Variants in SPAG16 observed in about 807,000 individuals in gnomAD.
SPAG16 encodes the protein sperm-associated antigen 16 protein.
SPAG16 carries 86 observed loss-of-function variants against 80.4 expected under a neutral mutation model. That is an observed-to-expected ratio of 1.07 (90% CI 0.90 to 1.28). The LOEUF is 1.28. SPAG16 is among the 50% of genes most tolerant of loss of function. The probability of loss-of-function intolerance (pLI) is 0.00; values close to 1 mark genes in which losing one functional copy is unlikely to be tolerated. For missense variants in SPAG16, 870 were observed against 765.3 expected (o/e 1.14, Z -1.61); for synonymous variants, 294 against 265.9 (o/e 1.11, Z -1.03).
chr2:213,826,654 C>A (rs1177023705), intron 10 of SPAG16, among the ~76,000 whole-genome samples: 1 of 151,920 alleles, frequency 6.6e-6, no homozygotes, highest in Non-Finnish European at 1.5e-5. Context: ...TGTTTTGTGA[C>A]CTAATATATG....
At chr2:214,071,733 A>G (rs2050797199) in intron 13 of SPAG16, among the ~76,000 whole-genome samples, 1 of 152,100 alleles carries the variant, frequency 6.6e-6, no homozygotes, top group Admixed American at 6.6e-5. Flanking sequence ...TTTTGTGAGT[A>G]TCATCTTTCC....
At chr2:213,705,608 AT>A (rs34553543) in intron 10 of SPAG16, among the ~76,000 whole-genome samples, 40,226 of 151,990 alleles carry the variant, frequency 0.26, 6,294 homozygotes, top group Middle Eastern at 0.42. Context: ...TATTAAGAAA[AT>A]TTTTTTAGGC....
intron 11 of SPAG16, among the ~76,000 whole-genome samples, chr2:213,907,303 G>A (rs2077470334): frequency 6.6e-6 from 1 of 152,040 alleles, no homozygotes; most frequent in South Asian, 2.1e-4. Flanking sequence ...AATCCTCAGG[G>A]AAATGCAAAT....
Position 213,966,146 on chromosome 2 carries a change from T to A in SPAG16, c.1400+36001T>A, listed in dbSNP as rs370273234. ...CTGAGAAGAAACCATAGCACTAGAC[T>A]GGGCTCTGGGAGAAGATGGAGACAC... On this transcript the variant is annotated intron_variant, in intron 12 of 15. Transcript: ENST00000331683. 3.9e-5 allele frequency among the ~76,000 whole-genome samples: 6 copies of A among 152,298 alleles called. No homozygotes were observed. In the South Asian group the frequency reaches 6.2e-4, roughly 16 times the overall value.
chr2:213,315,317 G>A (rs2063353578), intron 4 of SPAG16, among the ~76,000 whole-genome samples: 1 of 151,804 alleles, frequency 6.6e-6, no homozygotes, highest in East Asian at 1.9e-4. Context: ...GCTGCCTCTG[G>A]CCTCAGGTAT....
intron 10 of SPAG16, among the ~76,000 whole-genome samples, chr2:213,733,260 G>T: frequency 6.6e-6 from 1 of 151,236 alleles, no homozygotes. Flanking sequence ...TATAGATGCT[G>T]AATATTAGAC....
intron 12 of SPAG16, among the ~76,000 whole-genome samples, chr2:213,958,799 C>G (rs1347709892): frequency 1.3e-5 from 2 of 151,988 alleles, no homozygotes; most frequent in African/African-American, 4.8e-5. Flanking sequence ...TAAACTATTG[C>G]TACTATAACA....
chr2:213,925,959 A>C (rs1376833123), intron 11 of SPAG16, among the ~76,000 whole-genome samples: 2 of 152,074 alleles, frequency 1.3e-5, no homozygotes, highest in Non-Finnish European at 2.9e-5. Flanking sequence ...CATCTAAGTA[A>C]AAATTTCTTT....
At chr2:213,799,977 GA>G (rs1258892382) in intron 10 of SPAG16, among the ~76,000 whole-genome samples, 1 of 133,874 alleles carries the variant, frequency 7.5e-6, no homozygotes, top group Admixed American at 7.5e-5. Context: ...AAAAAAAAAA[GA>G]AAAAACTGTT....
chr2:213,430,938 A>C (rs2070254906), intron 9 of SPAG16, among the ~76,000 whole-genome samples: 2 of 152,198 alleles, frequency 1.3e-5, no homozygotes, highest in African/African-American at 4.8e-5. Context: ...AAGTGCTTAA[A>C]GAAAAAACTG....
chr2:213,388,965 A>G (rs1051131386), intron 9 of SPAG16, among the ~76,000 whole-genome samples: 8 of 152,170 alleles, frequency 5.3e-5, no homozygotes, highest in African/African-American at 1.9e-4. Flanking sequence ...AGCCCAAACA[A>G]TCTTGCAAAA....
intron 15 of SPAG16, among the ~76,000 whole-genome samples, chr2:214,229,244 CT>C (rs1688521207): frequency 6.6e-6 from 1 of 151,568 alleles, no homozygotes. Flanking sequence ...AACGCTTCTT[CT>C]GGCTCTAAGA....
At chr2:213,582,172 A>G (rs1256029519) in intron 10 of SPAG16, among the ~76,000 whole-genome samples, 1 of 152,130 alleles carries the variant, frequency 6.6e-6, no homozygotes, top group Non-Finnish European at 1.5e-5. Flanking sequence ...TGAAGAATCT[A>G]CATGTGGTAA....
intron 5 of SPAG16, among the ~76,000 whole-genome samples, chr2:213,329,557 A>G (rs2063996733): frequency 6.6e-6 from 1 of 152,214 alleles, no homozygotes; most frequent in African/African-American, 2.4e-5. Flanking sequence ...AAAGCGTTCA[A>G]GAGGTGACTT....
intron 9 of SPAG16, among the ~76,000 whole-genome samples, chr2:213,407,067 T>C (rs1175745278): frequency 1.3e-5 from 2 of 151,648 alleles, no homozygotes; most frequent in Admixed American, 1.3e-4. Context: ...TAGAGTACCT[T>C]GGTGGTCAAA....
chr2:213,800,909 T>C (rs1023445615), intron 10 of SPAG16, among the ~76,000 whole-genome samples: 1 of 152,178 alleles, frequency 6.6e-6, no homozygotes, highest in Admixed American at 6.5e-5. Context: ...AAGATTTTAG[T>C]CAAATCAAAA....
At chr2:213,747,987 A>T (rs2067907783) in intron 10 of SPAG16, among the ~76,000 whole-genome samples, 1 of 152,196 alleles carries the variant, frequency 6.6e-6, no homozygotes, top group Non-Finnish European at 1.5e-5. Context: ...TATAGCAATT[A>T]ATTTATTCAA....
At chr2:213,967,132 C>T (rs2044749312) in intron 12 of SPAG16, among the ~76,000 whole-genome samples, 1 of 152,182 alleles carries the variant, frequency 6.6e-6, no homozygotes, top group Non-Finnish European at 1.5e-5. Flanking sequence ...CCATGAGAAA[C>T]TGTTATATTC....
intron 7 of SPAG16, among the ~76,000 whole-genome samples, chr2:213,358,553 A>C (rs1047216239): frequency 6.6e-6 from 1 of 152,120 alleles, no homozygotes; most frequent in Non-Finnish European, 1.5e-5. Context: ...TGAATTGGTT[A>C]CTGAAGCTTG....
Sources: gnomAD v4.1 joint callset for allele counts (sites outside exome capture counted in the v4.1 genomes callset) on GRCh38, gnomAD v4.1.1 for gene constraint, MANE v1.5 for transcripts, NCBI Gene and HGNC (gene_info 2026-07-23, HGNC 2026-07-21) for gene names.